Variants in LMTK3 observed in about 807,000 individuals in gnomAD.
LMTK3 encodes the protein lemur tail kinase 3.
A neutral mutation model predicts 116.7 loss-of-function variants in LMTK3; 27 were observed. That is an observed-to-expected ratio of 0.23 (90% confidence interval 0.17 to 0.32). LMTK3 has a LOEUF of 0.32. Ranked by LOEUF, LMTK3 falls within the 10% of genes least tolerant of loss-of-function variation. The probability of loss-of-function intolerance (pLI) is 1.00; values close to 1 mark genes in which losing one functional copy is unlikely to be tolerated. For synonymous variants in LMTK3, 965 were observed against 971.0 expected, an observed-to-expected ratio of 0.99 and a Z score of 0.11; for missense variants, 1,764 against 2,068.5, an observed-to-expected ratio of 0.85 and a Z score of 2.86.
At position 48,491,297 on chromosome 19, in the gene LMTK3, C is replaced by A; in HGVS notation, c.4229-52G>T. ...AGGCTGCAGACACCTGCGGCACTCC[C>A]GCCCTCTGGTCCCGCCCCTCCCGAC... is the stretch of plus-strand genomic sequence containing the variant. On this transcript the variant is annotated intron_variant, in intron 13 of 14. Coordinates refer to ENST00000600059, the MANE Select transcript of LMTK3 (RefSeq NM_001388485.1). The surrounding 1 kb of genome is among the most constrained non-coding windows in gnomAD (Gnocchi z 5.1). 2 of 1,350,000 alleles carry A rather than the reference C, an allele frequency of 1.5e-6. No homozygotes were observed. Among genetic ancestry groups the A allele is most frequent in the East Asian group, 3.1e-5 (1 of 32,196 alleles). 83.6% of individuals were successfully genotyped at this position (1,350,000 alleles called of 1,614,324 possible). A position where few individuals can be genotyped will look rare whatever the true frequency, so the allele number is the denominator to read the frequency against.
rs906372500 is a variant in LMTK3, at chr19:48,497,628, C to G, written c.3441G>C (p.Pro1147=). 2 of 1,267,608 alleles carry G rather than the reference C, an allele frequency of 1.6e-6. No individual in the cohort carries two copies. Among genetic ancestry groups the G allele is most frequent in the Non-Finnish European group, 2.0e-6 (2 of 997,380 alleles). 78.5% of individuals were successfully genotyped at this position (1,267,608 alleles called of 1,614,324 possible). ...WVDNTRPQPP[P]PPLPPPPEAQ... is the part of the protein sequence containing the mutation. The stretch of plus-strand genomic sequence containing the variant: ...CCTCCGGTGGCGGTGGCAGCGGTGG[C>G]GGCGGTGGCTGCGGCCTCGTGTTGT... Residue 1147 remains proline, a synonymous_variant, in exon 11 of 15, where the codon CCG becomes CCC. Coordinates refer to ENST00000600059, the MANE Select transcript of LMTK3 (RefSeq NM_001388485.1). The surrounding 1 kb of genome is among the most constrained non-coding windows in gnomAD (Gnocchi z 5.7).
intron 11 of LMTK3, among the ~76,000 whole-genome samples, chr19:48,496,991 C>T (rs1406044722): frequency 1.3e-5 from 2 of 152,222 alleles, no homozygotes; most frequent in African/African-American, 2.4e-5. Context: ...ATGCTTCATC[C>T]GTTTCCCTAT....
At chr19:48,510,686 T>TCCCGTGATG (rs1220887668) in intron 1 of LMTK3, 94 bp from the exon 2 acceptor site, 2 of 1,351,172 alleles carry the variant, frequency 1.5e-6, no homozygotes, top group African/African-American at 3.0e-5. Context: ...GGACTACAAC[T>TCCCGTGATG]CCCGTGATGC....
chr19:48,502,518 G>A lies in LMTK3; in HGVS notation c.709C>T (p.Pro237Ser), dbSNP rs908047754. ...CTCTGCAGCGTCCGCAGGTCTCGAG[G>A]GGGTAGCTCAGGGGACAGGCCCTCG... ...PPEGLSPELPPRDLRTLQRMG... is the reference protein window; with the variant it reads ...PPEGLSPELPSRDLRTLQRMG... The change falls in exon 7 of 15, where the codon CCT becomes TCT. Residue 237 changes from proline (P) to serine (S), a missense_variant. Transcript: ENST00000600059. The A allele has an allele frequency of 1.2e-6, 2 of 1,607,526 alleles. No individual in the cohort carries two copies. Among genetic ancestry groups the A allele is most frequent in the African/African-American group, 2.7e-5 (2 of 74,740 alleles).
At position 48,498,348 on chromosome 19, in the gene LMTK3, C is replaced by G. The variant is rs374555928; in HGVS notation, c.2721G>C (p.Pro907=). The G allele has an allele frequency of 6.2e-7, 1 of 1,613,066 alleles. No individual in the cohort carries two copies. Among genetic ancestry groups the G allele is most frequent in the Non-Finnish European group, 8.5e-7 (1 of 1,179,768 alleles). The change falls in exon 11 of 15, where the codon CCG becomes CCC. Residue 907 remains proline, a synonymous_variant. Transcript: ENST00000600059. ...REKVPGLNRD[P]TVLGNGKQAP... Reference sequence around the variant, plus strand: ...CTTGTTTCCCGTTGCCCAGGACTGTCGGGTCCCTGTTCAGGCCCGGGACTT... The same window carrying G: ...CTTGTTTCCCGTTGCCCAGGACTGTGGGGTCCCTGTTCAGGCCCGGGACTT...
intron 12 of LMTK3, 94 bp downstream of exon 12, chr19:48,493,600 T>C (rs1972266871): frequency 1.8e-6 from 2 of 1,121,510 alleles, no homozygotes; most frequent in East Asian, 1.0e-4. Flanking sequence ...CCCGCCCAAC[T>C]CTAAGCTCGG....
chr19:48,487,835 G>C (rs1399882077), intron 14 of LMTK3, among the ~76,000 whole-genome samples: 2 of 152,130 alleles, frequency 1.3e-5, no homozygotes, highest in East Asian at 1.9e-4. Flanking sequence ...CCCTGAGCTT[G>C]AGTTTCGCTC....
rs1972431550 is a variant in LMTK3, at chr19:48,499,853, A to G, written c.1216T>C (p.Leu406=). 6.3e-7 allele frequency: 1 copy of G among 1,593,620 alleles called. No individual in the cohort carries two copies. The highest frequency in any genetic ancestry group is 8.5e-7 in the Non-Finnish European group (1 of 1,171,946). Residue 406 remains leucine (L), a synonymous_variant, in exon 11 of 15, where the codon TTG becomes CTG. Coordinates refer to ENST00000600059, the MANE Select transcript of LMTK3 (RefSeq NM_001388485.1). ...TCGGAGAGCAAGTAGGTGAGCTGCA[A>G]TTGGAGATCAGAGGCTGAAGGGCGC... ...AQRPSASDLQ[L]QLTYLLSERP...
At chr19:48,493,631 G>A in intron 12 of LMTK3, 63 bp downstream of exon 12, 1 of 1,330,690 alleles carries the variant, frequency 7.5e-7, no homozygotes, top group Non-Finnish European at 9.9e-7. Context: ...GGCCCTTCCC[G>A]GCTCTAGGCT....
At chr19:48,488,306 C>T (rs1396270252) in intron 14 of LMTK3, among the ~76,000 whole-genome samples, 2 of 152,120 alleles carry the variant, frequency 1.3e-5, no homozygotes, top group African/African-American at 4.8e-5. Flanking sequence ...GCCCCCAGAC[C>T]TGTCCCACCT....
chr19:48,508,645 T>C (rs771334544), intron 5 of LMTK3, among the ~76,000 whole-genome samples: 5 of 152,120 alleles, frequency 3.3e-5, no homozygotes, highest in Non-Finnish European at 7.4e-5. Context: ...TCAGCTTCTG[T>C]GCTCCCGCCT....
chr19:48,493,494 G>A (rs1331619651), intron 12 of LMTK3, among the ~76,000 whole-genome samples, 200 bp downstream of exon 12: 1 of 108,122 alleles, frequency 9.2e-6, no homozygotes, highest in Admixed American at 9.3e-5. Context: ...TTCAGGCCAC[G>A]CCCCACTCTA....
chr19:48,505,329 G>A lies in LMTK3; in HGVS notation c.558-2333C>T, dbSNP rs186040657. On this transcript the variant is annotated intron_variant, in intron 5 of 14. Transcript: ENST00000600059. Reference sequence around the variant, plus strand: ...GGATTTCACCATGTTGGCCAGGCTGGCCTTGAACTCCTGACCTCAGGTAAT... The same window carrying A: ...GGATTTCACCATGTTGGCCAGGCTGACCTTGAACTCCTGACCTCAGGTAAT... 5.4e-3 allele frequency among the ~76,000 whole-genome samples: 819 copies of A among 151,758 alleles called. 8 individuals carry two copies. The highest frequency in any genetic ancestry group is 0.019 in the African/African-American group (787 of 41,416).
Position 48,498,634 on chromosome 19 carries a change from G to T in LMTK3, c.2435C>A (p.Ala812Glu). The change falls in exon 11 of 15, where the codon GCG (alanine) becomes GAG (glutamate). Residue 812 changes from alanine (A) to glutamate (E), a missense_variant. By Grantham distance (107) the Ala-to-Glu change is moderately radical. Around this residue, in one of 7 missense-constraint regions of LMTK3, gnomAD observed 1,028 missense variants for 1,050.6 expected, o/e 0.98. Transcript: ENST00000600059. ...CCGAGGGACCCCTTCCTCCTCGGCC[G>T]CCCCCCCACCTGGGAAGGCTCCCTC... ...SPEGAFPGGGAAEEEGVPRPR... is the reference protein window; with the variant it reads ...SPEGAFPGGGEAEEEGVPRPR... 1 of 1,540,694 alleles carries T rather than the reference G, an allele frequency of 6.5e-7. No homozygotes were observed. Among genetic ancestry groups the T allele is most frequent in the South Asian group, 1.2e-5 (1 of 83,822 alleles).
At position 48,497,230 on chromosome 19, in the gene LMTK3, G is replaced by A. The variant is rs1045754147; in HGVS notation, c.3676+163C>T. Among the ~76,000 whole-genome samples, 5 of 152,236 alleles carry A rather than the reference G, an allele frequency of 3.3e-5. No homozygotes were observed. The highest frequency in any genetic ancestry group is 1.2e-4 in the African/African-American group (5 of 41,458). The stretch of plus-strand genomic sequence containing the variant: ...AAGGACATTTGCCCAAGGCCAAAGA[G>A]CTAGAGAGGGGGCTGAGCCACGATG... On this transcript the variant is annotated intron_variant, in intron 11 of 14. Transcript: ENST00000600059. The surrounding 1 kb of genome is among the most constrained non-coding windows in gnomAD (Gnocchi z 5.7).
In LMTK3 at chr19:48,491,595, C is replaced by T. The variant is rs1368867906; in HGVS notation, c.4093-56G>A. The T allele has an allele frequency of 7.8e-7, 1 of 1,281,988 alleles. No individual in the cohort carries two copies. Among genetic ancestry groups the T allele is most frequent in the Non-Finnish European group, 1.0e-6 (1 of 1,002,912 alleles). The allele number at this position is 1,281,988 out of a possible 1,614,324, so 79.4% of individuals were successfully genotyped here. A position where few individuals can be genotyped will look rare whatever the true frequency, so the allele number is the denominator to read the frequency against. On this transcript the variant is annotated intron_variant, in intron 12 of 14. Coordinates refer to ENST00000600059, the MANE Select transcript of LMTK3 (RefSeq NM_001388485.1). The surrounding 1 kb of genome is among the most constrained non-coding windows in gnomAD (Gnocchi z 5.1). ...GGGACAAACCTTCACGTCCCATTTA[C>T]CGCATCCCCCAAAAGCAACAAAACC... is the stretch of plus-strand genomic sequence containing the variant.
intron 4 of LMTK3, 50 bp downstream of exon 4, chr19:48,509,387 G>A: frequency 6.6e-7 from 1 of 1,509,894 alleles, no homozygotes; most frequent in South Asian, 1.2e-5. Flanking sequence ...CAGAACAGGA[G>A]GACAGCTCGG....
intron 12 of LMTK3, among the ~76,000 whole-genome samples, 189 bp downstream of exon 12, chr19:48,493,501 TCTAA>T (rs1289687132): frequency 9.9e-6 from 1 of 101,442 alleles, no homozygotes; most frequent in African/African-American, 4.0e-5. Context: ...CACGCCCCAC[TCTAA>T]CTCGGCCTCC....
chr19:48,499,641 G>A lies in LMTK3; in HGVS notation c.1428C>T (p.Asn476=). 6.5e-7 allele frequency: 1 copy of A among 1,542,860 alleles called. No homozygotes were observed. Among genetic ancestry groups the A allele is most frequent in the Non-Finnish European group, 8.7e-7 (1 of 1,143,524 alleles). The change falls in exon 11 of 15, where the codon AAC becomes AAT. Residue 476 remains asparagine, a synonymous_variant. Transcript: ENST00000600059. ...LTVTESSRGL[N]LECLWEKARR... ...GGGCCTTCTCCCACAGGCACTCGAG[G>A]TTGAGGCCGCGGCTACTCTCGGTGA...
Sources: gnomAD v4.1 joint callset for allele counts (sites outside exome capture counted in the v4.1 genomes callset) on GRCh38, gnomAD v4.1.1 for gene constraint, gnomAD v4.1.1 regional missense constraint, Gnocchi (gnomAD v3.1) non-coding constraint, MANE v1.5 for transcripts, NCBI Gene and HGNC (gene_info 2026-07-23, HGNC 2026-07-21) for gene names.